The following PARP15 variants were observed in gnomAD, a reference collection of about 807,000 sequenced individuals.
PARP15 encodes poly(ADP-ribose) polymerase family member 15.
PARP15 carries 50 observed loss-of-function variants against 62.1 expected under a neutral mutation model. The observed-to-expected ratio is 0.81, with a 90% confidence interval of 0.64 to 1.02. PARP15 has a LOEUF of 1.02. Among genes scored for constraint, PARP15 ranks in the 50% least tolerant of loss-of-function variants. The probability of loss-of-function intolerance (pLI) is 0.00; values close to 1 mark genes in which losing one functional copy is unlikely to be tolerated. For missense variants in PARP15, 820 were observed against 826.5 expected (o/e 0.99, Z 0.10); for synonymous variants, 309 against 293.1 (o/e 1.05, Z -0.55).
chr3:122,604,738 G>A (rs1312025331), intron 1 of PARP15, among the ~76,000 whole-genome samples: 2 of 152,198 alleles, frequency 1.3e-5, no homozygotes, highest in Non-Finnish European at 2.9e-5. Context: ...GCGAGTGCCT[G>A]TAATCCCAGC....
At chr3:122,617,586 T>G (rs551188894) in intron 6 of PARP15, among the ~76,000 whole-genome samples, 17 of 152,244 alleles carry the variant, frequency 1.1e-4, no homozygotes, top group Non-Finnish European at 2.1e-4. Context: ...GCTCTTCTCT[T>G]CTCTGCATTA....
intron 1 of PARP15, among the ~76,000 whole-genome samples, chr3:122,587,005 C>T (rs1933496837): frequency 6.6e-6 from 1 of 152,202 alleles, no homozygotes; most frequent in Non-Finnish European, 1.5e-5. Flanking sequence ...CATAACTTTG[C>T]CTTTTCCAGA....
intron 1 of PARP15, among the ~76,000 whole-genome samples, chr3:122,589,901 T>C (rs1933743383): frequency 6.7e-6 from 1 of 148,996 alleles, no homozygotes; most frequent in South Asian, 2.1e-4. Context: ...TTTTTTTTTT[T>C]TTTTTTTTGA....
chr3:122,619,282 G>A (rs1343145692), intron 6 of PARP15, among the ~76,000 whole-genome samples: 1 of 152,066 alleles, frequency 6.6e-6, no homozygotes, highest in Admixed American at 6.5e-5. Context: ...TTAACGACTC[G>A]ACCCAGCTGT....
Position 122,613,058 on chromosome 3 carries a change from C to G in PARP15, c.561C>G (p.Ile187Met), listed in dbSNP as rs1455212409. ...ETSWQIMANI[I>M]KKCLTTVEVL... is the part of the protein sequence containing the mutation. ...CATTTCAGATCATGGCAAATATAAT[C>G]AAGAAATGTTTGACAACTGTAGAAG... Residue 187 changes from isoleucine (I) to methionine (M), a missense_variant, in exon 4 of 12, where the codon ATC (isoleucine) becomes ATG (methionine). Physicochemically the swap from Ile to Met is conservative, Grantham distance 10. Coordinates refer to ENST00000464300, the MANE Select transcript of PARP15 (RefSeq NM_001113523.3). 8 of 1,551,396 alleles carry G rather than the reference C, an allele frequency of 5.2e-6. No individual in the cohort carries two copies. Among genetic ancestry groups the G allele is most frequent in the South Asian group, 2.4e-5 (2 of 84,028 alleles).
intron 4 of PARP15, among the ~76,000 whole-genome samples, chr3:122,614,874 C>CA (rs1935833848): frequency 6.6e-6 from 1 of 151,578 alleles, no homozygotes; most frequent in East Asian, 1.9e-4. Flanking sequence ...ACAAAAAATA[C>CA]AAAAAATTAG....
In PARP15 at chr3:122,626,990, CT is replaced by C; in HGVS notation, c.1396del (p.Ser466LeufsTer4). ...FYDSMKKRDL[S>X]ASLNFQSTFS... ...ACGACAGCATGAAAAAAAGAGACCT[CT>C]CTGCATCACTGAACTTTCAGTCCAC... On this transcript the variant is annotated frameshift_variant, in exon 9 of 12. Coordinates refer to ENST00000464300, the MANE Select transcript of PARP15 (RefSeq NM_001113523.3). LOFTEE classifies it high-confidence loss of function. 6.2e-7 allele frequency: 1 copy of C among 1,613,836 alleles called. No individual in the cohort carries two copies. The highest frequency in any genetic ancestry group is 8.5e-7 in the Non-Finnish European group (1 of 1,179,906).
chr3:122,618,175 A>G (rs1936111131), intron 6 of PARP15, among the ~76,000 whole-genome samples: 1 of 152,254 alleles, frequency 6.6e-6, no homozygotes, highest in South Asian at 2.1e-4. Context: ...TATCCATTTA[A>G]TTCATTGGTC....
At chr3:122,633,463 G>T (rs181733538) in intron 10 of PARP15, among the ~76,000 whole-genome samples, 1 of 152,228 alleles carries the variant, frequency 6.6e-6, no homozygotes, top group East Asian at 1.9e-4. Context: ...AACCAACCTC[G>T]GATGGAAAGT....
Position 122,610,692 on chromosome 3 carries a change from G to T in PARP15, c.505G>T (p.Ala169Ser). ...LDCKAVLHAV[A>S]PYWNNGAETS... ...CTGCAAAGCTGTGCTCCATGCTGTGGCTCCATACTGGAATAATGGAGCAGA... is the reference window on the plus strand; with the variant it reads ...CTGCAAAGCTGTGCTCCATGCTGTGTCTCCATACTGGAATAATGGAGCAGA... Residue 169 changes from alanine to serine, a missense_variant, in exon 3 of 12, where the codon GCT becomes TCT. Ala to Ser is a moderately conservative substitution (Grantham distance 99). Around this residue, in one of 3 missense-constraint regions of PARP15, gnomAD observed 731 missense variants for 727.7 expected, o/e 1.00. Transcript: ENST00000464300. The T allele has an allele frequency of 6.5e-7, 1 of 1,543,304 alleles. No homozygotes were observed. The highest frequency in any genetic ancestry group is 8.8e-7 in the Non-Finnish European group (1 of 1,142,628).
At chr3:122,610,874 T>C (rs1340874991) in intron 3 of PARP15, 144 bp downstream of exon 3, 1 of 610,978 alleles carries the variant, frequency 1.6e-6, no homozygotes, top group Non-Finnish European at 2.7e-6. Context: ...ATCTAGTGGG[T>C]AGAAGCGAGG....
intron 1 of PARP15, among the ~76,000 whole-genome samples, chr3:122,597,847 A>G (rs1934481967): frequency 6.6e-6 from 1 of 152,194 alleles, no homozygotes; most frequent in African/African-American, 2.4e-5. Context: ...TCCCTTATGT[A>G]AAATGGCCTA....
At chr3:122,592,072 T>C (rs7641544) in intron 1 of PARP15, among the ~76,000 whole-genome samples, 144,034 of 152,170 alleles carry the variant, frequency 0.95, 68,342 homozygotes, top group Non-Finnish European at 0.98. Context: ...CCATTTGACC[T>C]GGCAATCCCA....
At chr3:122,629,968 G>A (rs1035528686) in intron 9 of PARP15, among the ~76,000 whole-genome samples, 8 of 152,280 alleles carry the variant, frequency 5.3e-5, no homozygotes, top group South Asian at 2.1e-4. Flanking sequence ...CTTGCCTGCC[G>A]CTCACCTCCT....
Position 122,611,914 on chromosome 3 carries a change from A to T in PARP15, c.544-1127A>T, listed in dbSNP as rs569389676. ...TTTTTAGTAGAGATGGGATTTCTCC[A>T]TGTTGGTCAGGCTGGTCTTGAACTC... On this transcript the variant is annotated intron_variant, in intron 3 of 11. Coordinates refer to ENST00000464300, the MANE Select transcript of PARP15 (RefSeq NM_001113523.3). Among the ~76,000 whole-genome samples, 3 of 152,008 alleles carry T rather than the reference A, an allele frequency of 2.0e-5. No individual in the cohort carries two copies. In the South Asian group the frequency reaches 6.2e-4, roughly 31 times the overall value.
intron 1 of PARP15, among the ~76,000 whole-genome samples, chr3:122,591,781 A>AAAAG (rs55953236): frequency 6.7e-6 from 1 of 149,674 alleles, no homozygotes; most frequent in Non-Finnish European, 1.5e-5. Context: ...AAAAAAAAAA[A>AAAAG]GGTATTGATA....
At position 122,617,203 on chromosome 3, in the gene PARP15, A is replaced by T. The variant is rs747997608; in HGVS notation, c.1000+39A>T. On this transcript the variant is annotated intron_variant, in intron 6 of 11. Transcript: ENST00000464300. Reference sequence around the variant, plus strand: ...GCAATATATTGTAATTATTAGTATGACTAATTTCTGGAAGGGAAATTGTGG... The same window carrying T: ...GCAATATATTGTAATTATTAGTATGTCTAATTTCTGGAAGGGAAATTGTGG... 4 of 1,567,700 alleles carry T rather than the reference A, an allele frequency of 2.6e-6. No individual in the cohort carries two copies. The South Asian group carries it at 4.6e-5, about 18-fold the overall frequency.
intron 1 of PARP15, among the ~76,000 whole-genome samples, chr3:122,594,124 T>C (rs1442126069): frequency 6.6e-6 from 1 of 152,222 alleles, no homozygotes; most frequent in Non-Finnish European, 1.5e-5. Context: ...TCCTGACTTC[T>C]GAGTGTATTT....
At chr3:122,628,265 TATC>T (rs1294826523) in intron 9 of PARP15, among the ~76,000 whole-genome samples, 1 of 152,166 alleles carries the variant, frequency 6.6e-6, no homozygotes, top group Non-Finnish European at 1.5e-5. Flanking sequence ...CATTTTAGGT[TATC>T]ATTGCAGGCA....
Sources: allele counts gnomAD v4.1 joint callset (sites outside exome capture counted in the v4.1 genomes callset), GRCh38; gene constraint gnomAD v4.1.1; regional missense constraint gnomAD v4.1.1; transcripts MANE v1.5; gene names NCBI Gene and HGNC (gene_info 2026-07-23, HGNC 2026-07-21).